TRIM37: variants seen among roughly 807,000 people sequenced by gnomAD.
The protein encoded by TRIM37 is E3 ubiquitin-protein ligase TRIM37.
In TRIM37, 80 loss-of-function variants were observed where a neutral mutation model predicts 129.8. That is an observed-to-expected ratio of 0.62 (90% CI 0.51 to 0.74). TRIM37 has a LOEUF of 0.74. Ranked by LOEUF, TRIM37 falls within the 30% of genes least tolerant of loss-of-function variation. TRIM37 has a pLI of 0.00. For missense variants in TRIM37, 1,054 were observed against 1,176.5 expected (o/e 0.90, Z 1.52); for synonymous variants, 389 against 387.1 (o/e 1.00, Z -0.06).
chr17:59,015,904 G>C (rs1287330999), intron 20 of TRIM37, 105 bp from the exon 21 acceptor site: 4 of 1,086,632 alleles, frequency 3.7e-6, no homozygotes, highest in African/African-American at 1.6e-5. Context: ...ACTTGAACCT[G>C]GGAGGCGGAG....
intron 12 of TRIM37, 44 bp from the exon 13 acceptor site, chr17:59,057,098 A>C (rs777356174): frequency 5.7e-6 from 9 of 1,575,734 alleles, no homozygotes; most frequent in Non-Finnish European, 6.1e-6. Context: ...TAGTAAAGTA[A>C]GAATAAAAAA....
rs139753800 is a variant in TRIM37 at position 59,083,620 on chromosome 17, G to A, written c.369+382C>T. 2.4e-3 allele frequency among the ~76,000 whole-genome samples: 362 copies of A among 152,144 alleles called. 4 individuals carry two copies. The highest frequency in any genetic ancestry group is 8.3e-3 in the African/African-American group (344 of 41,514). On this transcript the variant is annotated intron_variant, in intron 5 of 23. Transcript: ENST00000262294. ...AAATAATTATAAGATCTAGATAGGC[G>A]TACTCATGTTGTTTCACAAGTGTCT...
intron 9 of TRIM37, among the ~76,000 whole-genome samples, chr17:59,066,088 T>C: frequency 6.6e-6 from 1 of 152,228 alleles, no homozygotes; most frequent in Non-Finnish European, 1.5e-5. Context: ...AGAAGTCACA[T>C]ACTCTTGGAG....
At chr17:59,063,680 T>C (rs2041691485) in intron 10 of TRIM37, among the ~76,000 whole-genome samples, 1 of 152,212 alleles carries the variant, frequency 6.6e-6, no homozygotes, top group Non-Finnish European at 1.5e-5. Flanking sequence ...AGCCTACACA[T>C]TTCTTACAAT....
At chr17:59,057,216 G>A (rs1370276626) in intron 12 of TRIM37, among the ~76,000 whole-genome samples, 162 bp from the exon 13 acceptor site, 1 of 152,040 alleles carries the variant, frequency 6.6e-6, no homozygotes, top group Admixed American at 6.6e-5. Flanking sequence ...AGTATTTTGG[G>A]GTTTTTTTAT....
chr17:59,067,071 G>A (rs893567635), intron 9 of TRIM37, among the ~76,000 whole-genome samples: 5 of 151,772 alleles, frequency 3.3e-5, no homozygotes, highest in African/African-American at 4.8e-5. Flanking sequence ...ACGCAGTCTC[G>A]CTCTGTCACA....
intron 3 of TRIM37, among the ~76,000 whole-genome samples, chr17:59,090,864 G>A (rs541633408): frequency 2.0e-5 from 3 of 152,140 alleles, no homozygotes; most frequent in Non-Finnish European, 2.9e-5. Context: ...GACCTCAGGT[G>A]ATCCAGCCGC....
intron 20 of TRIM37, among the ~76,000 whole-genome samples, chr17:59,016,775 C>T (rs1023843848): frequency 6.6e-5 from 10 of 151,956 alleles, no homozygotes; most frequent in Admixed American, 3.3e-4. Flanking sequence ...CAGAGCAAGA[C>T]TCTGTCTCAG....
At chr17:59,026,439 A>C (rs147468900) in intron 19 of TRIM37, among the ~76,000 whole-genome samples, 1 of 152,356 alleles carries the variant, frequency 6.6e-6, no homozygotes, top group East Asian at 1.9e-4. Flanking sequence ...AAAACTTCAA[A>C]TGTTAAATGA....
At position 59,049,031 on chromosome 17, in the gene TRIM37, T is replaced by TG; in HGVS notation, c.1530+146_1530+147insC. 3 of 694,572 alleles carry TG rather than the reference T, an allele frequency of 4.3e-6. No individual in the cohort carries two copies. The South Asian group carries it at 5.0e-5, about 11-fold the overall frequency. 43.0% of individuals were successfully genotyped at this position (694,572 alleles called of 1,614,324 possible). On this transcript the variant is annotated intron_variant, in intron 15 of 23. Transcript: ENST00000262294. ...TTCAACAACTTCTGACTTATTAACA[T>TG]TTACATAAGGGCATACATACATTAC...
intron 24 of TRIM37, among the ~76,000 whole-genome samples, chr17:58,992,673 CCCGGCAGGTGT>C (rs893751506): frequency 6.6e-6 from 1 of 152,168 alleles, no homozygotes; most frequent in African/African-American, 2.4e-5. Flanking sequence ...AGCCACTGTG[CCCGGCAGGTGT>C]CCAGATTTTT....
chr17:59,005,247 A>T (rs1174985689), intron 22 of TRIM37, among the ~76,000 whole-genome samples: 1 of 152,188 alleles, frequency 6.6e-6, no homozygotes, highest in East Asian at 1.9e-4. Flanking sequence ...CTTTTAAAAA[A>T]GTTATTAAAT....
downstream of TRIM37, among the ~76,000 whole-genome samples, chr17:58,997,126 C>T (rs958071466): frequency 2.6e-5 from 4 of 152,010 alleles, no homozygotes; most frequent in African/African-American, 4.8e-5. Context: ...ATAACTGGTG[C>T]GATCTGAACA....
chr17:59,054,127 A>C (rs2040606957), intron 13 of TRIM37, among the ~76,000 whole-genome samples: 1 of 152,170 alleles, frequency 6.6e-6, no homozygotes, highest in Non-Finnish European at 1.5e-5. Flanking sequence ...GAGTACATTA[A>C]ATCACTCTCA....
chr17:59,007,231 CCA>C (rs35675752), intron 22 of TRIM37, among the ~76,000 whole-genome samples: 2 of 97,498 alleles, frequency 2.1e-5, no homozygotes, highest in Non-Finnish European at 4.0e-5. Flanking sequence ...CCCCACCCAC[CCA>C]CACACACACA....
chr17:59,093,181 T>G (rs911257355), intron 2 of TRIM37, among the ~76,000 whole-genome samples: 1 of 152,038 alleles, frequency 6.6e-6, no homozygotes, highest in Non-Finnish European at 1.5e-5. Context: ...ATAAAAAGCC[T>G]ATGGAAAAGG....
At chr17:59,034,425 G>GT (rs1467956263) in intron 17 of TRIM37, among the ~76,000 whole-genome samples, 1 of 150,384 alleles carries the variant, frequency 6.6e-6, no homozygotes, top group East Asian at 2.0e-4. Flanking sequence ...TTTCTTTTTT[G>GT]TTTTTTTGAG....
intron 2 of TRIM37, among the ~76,000 whole-genome samples, chr17:59,096,843 A>G (rs1029000550): frequency 6.6e-6 from 1 of 152,196 alleles, no homozygotes; most frequent in Non-Finnish European, 1.5e-5. Context: ...GGAGTTTAAG[A>G]TATTTACTAG....
chr17:59,028,406 A>G lies in TRIM37; in HGVS notation c.2257+9T>C, dbSNP rs775532060. 1.9e-6 allele frequency: 3 copies of G among 1,609,172 alleles called. No homozygotes were observed. The highest frequency in any genetic ancestry group is 2.5e-6 in the Non-Finnish European group (3 of 1,179,486). ...TGTGGAGAAATGACACTGGGAACAT[A>G]TTACTTACAGTTTCGTATGTAACAA... On this transcript the variant is annotated intron_variant, in intron 19 of 23. Coordinates refer to ENST00000262294, the MANE Select transcript of TRIM37 (RefSeq NM_015294.6).
Sources: allele counts gnomAD v4.1 joint callset (sites outside exome capture counted in the v4.1 genomes callset), GRCh38; gene constraint gnomAD v4.1.1; transcripts MANE v1.5; gene names NCBI Gene and HGNC (gene_info 2026-07-23, HGNC 2026-07-21).